Variants in MSRA observed in about 807,000 individuals in gnomAD.
MSRA encodes the protein mitochondrial peptide methionine sulfoxide reductase.
A neutral mutation model predicts 31.3 loss-of-function variants in MSRA; 54 were observed. The observed-to-expected ratio is 1.73, with a 90% CI of 1.39 to 2.17. MSRA has a LOEUF of 2.17. MSRA is among the 30% of genes most tolerant of loss of function. The pLI is 0.00. For synonymous variants in MSRA, 169 were observed against 116.5 expected (o/e 1.45, Z -2.90); for missense variants, 507 against 300.9 (o/e 1.69, Z -5.07).
At chr8:10,245,895 G>T (rs1052586129) in intron 3 of MSRA, among the ~76,000 whole-genome samples, 1 of 152,230 alleles carries the variant, frequency 6.6e-6, no homozygotes, top group African/African-American at 2.4e-5. Context: ...GAGGTATCAA[G>T]AATCGGGACC....
chr8:10,425,727 C>T (rs953825772), intron 5 of MSRA, among the ~76,000 whole-genome samples: 10 of 152,262 alleles, frequency 6.6e-5, no homozygotes, highest in Admixed American at 2.6e-4. Flanking sequence ...GTGGGTAGGT[C>T]CTCTGAGGAC....
intron 1 of MSRA, among the ~76,000 whole-genome samples, chr8:10,128,003 C>T (rs1284481223): frequency 1.3e-5 from 2 of 151,964 alleles, no homozygotes; most frequent in Admixed American, 6.6e-5. Context: ...CACCTGTGAC[C>T]GTGGTGCATT....
At chr8:10,083,676 CAA>C (rs577741173) in intron 1 of MSRA, among the ~76,000 whole-genome samples, 8 of 152,134 alleles carry the variant, frequency 5.3e-5, no homozygotes, top group Admixed American at 4.6e-4. Flanking sequence ...AAATTTTATT[CAA>C]AGAGGTTTTT....
intron 3 of MSRA, among the ~76,000 whole-genome samples, chr8:10,255,307 C>G (rs911208460): frequency 6.6e-6 from 1 of 152,194 alleles, no homozygotes; most frequent in Non-Finnish European, 1.5e-5. Flanking sequence ...GGGAAGGGGC[C>G]TTTTAATTCT....
At chr8:10,260,157 T>C (rs1466880505) in intron 3 of MSRA, among the ~76,000 whole-genome samples, 1 of 152,154 alleles carries the variant, frequency 6.6e-6, no homozygotes, top group Non-Finnish European at 1.5e-5. Flanking sequence ...AGGGAAGAAA[T>C]GAGCGGCTGT....
intron 1 of MSRA, among the ~76,000 whole-genome samples, chr8:10,204,725 A>G (rs1259276293): frequency 6.6e-6 from 1 of 152,218 alleles, no homozygotes; most frequent in Non-Finnish European, 1.5e-5. Context: ...GTATATATGT[A>G]TTTTTAATGG....
At chr8:10,221,441 TATAC>T (rs67197762) in intron 2 of MSRA, among the ~76,000 whole-genome samples, 30,542 of 149,880 alleles carry the variant, frequency 0.2, 3,649 homozygotes, top group Admixed American at 0.33. Flanking sequence ...TATGTGTATA[TATAC>T]ATATATATAT....
chr8:10,330,191 G>T (rs1802613001), intron 5 of MSRA, among the ~76,000 whole-genome samples: 1 of 117,554 alleles, frequency 8.5e-6, no homozygotes, highest in Non-Finnish European at 1.7e-5. Context: ...TTCATTATAA[G>T]AATTAAATGT....
chr8:10,103,438 C>G (rs1799664986), intron 1 of MSRA, among the ~76,000 whole-genome samples: 1 of 152,184 alleles, frequency 6.6e-6, no homozygotes, highest in African/African-American at 2.4e-5. Flanking sequence ...GCATCACTTA[C>G]TAACTGGATA....
intron 2 of MSRA, among the ~76,000 whole-genome samples, chr8:10,229,707 A>G (rs1033459050): frequency 6.6e-6 from 1 of 151,960 alleles, no homozygotes; most frequent in African/African-American, 2.4e-5. Context: ...TATAGATGAG[A>G]AAAAAAAGGG....
chr8:10,144,600 C>G (rs1057224826), intron 1 of MSRA, among the ~76,000 whole-genome samples: 2 of 151,996 alleles, frequency 1.3e-5, no homozygotes, highest in African/African-American at 2.4e-5. Flanking sequence ...GCTTCCCCCC[C>G]TCCTCCCCCT....
At chr8:10,422,477 A>G (rs999607985) in intron 5 of MSRA, among the ~76,000 whole-genome samples, 1 of 152,210 alleles carries the variant, frequency 6.6e-6, no homozygotes, top group Non-Finnish European at 1.5e-5. Context: ...AGAAAAACAC[A>G]AATGACCAAT....
chr8:10,340,619 T>C (rs1054963420), intron 5 of MSRA, among the ~76,000 whole-genome samples: 1 of 152,212 alleles, frequency 6.6e-6, no homozygotes, highest in Non-Finnish European at 1.5e-5. Flanking sequence ...GTGATCCGCC[T>C]GCCTCAGCCT....
chr8:10,082,916 C>G (rs970602969), intron 1 of MSRA, among the ~76,000 whole-genome samples: 2 of 152,206 alleles, frequency 1.3e-5, no homozygotes, highest in African/African-American at 4.8e-5. Flanking sequence ...CAGCACGGTG[C>G]TAATGGATGA....
At position 10,339,867 on chromosome 8, in the gene MSRA, T is replaced by A. The variant is rs547297493; in HGVS notation, c.543+19878T>A. 3.2e-4 allele frequency among the ~76,000 whole-genome samples: 49 copies of A among 152,212 alleles called. 1 individual carries two copies. In the South Asian group the frequency reaches 9.5e-3, roughly 30 times the overall value. On this transcript the variant is annotated intron_variant, in intron 5 of 5. Transcript: ENST00000317173. Reference sequence around the variant, plus strand: ...CAAGGGGTTTTCAATACAGGCTGTCTGATGACTAACGAGAGGGAACATAAG... The same window carrying A: ...CAAGGGGTTTTCAATACAGGCTGTCAGATGACTAACGAGAGGGAACATAAG...
chr8:10,278,830 G>T (rs13276526), intron 3 of MSRA, among the ~76,000 whole-genome samples: 1 of 151,954 alleles, frequency 6.6e-6, no homozygotes. Flanking sequence ...AAGGACCTGG[G>T]CATCTCTACA....
At chr8:10,425,887 C>G (rs1809127636) in intron 5 of MSRA, among the ~76,000 whole-genome samples, 1 of 152,208 alleles carries the variant, frequency 6.6e-6, no homozygotes, top group Non-Finnish European at 1.5e-5. Flanking sequence ...TTTTACATCC[C>G]TCAGTTCTCC....
chr8:10,277,846 G>C (rs201096855), intron 3 of MSRA, among the ~76,000 whole-genome samples: 1 of 151,938 alleles, frequency 6.6e-6, no homozygotes, highest in South Asian at 2.1e-4. Context: ...ATACATATTT[G>C]AAAGTTCATG....
intron 2 of MSRA, among the ~76,000 whole-genome samples, chr8:10,227,222 T>C (rs1275061764): frequency 6.6e-6 from 1 of 152,138 alleles, no homozygotes; most frequent in African/African-American, 2.4e-5. Context: ...ACCAGAGTTG[T>C]CTTCAAGAGG....
Sources: gnomAD v4.1 joint callset for allele counts (sites outside exome capture counted in the v4.1 genomes callset) on GRCh38, gnomAD v4.1.1 for gene constraint, MANE v1.5 for transcripts, NCBI Gene and HGNC (gene_info 2026-07-23, HGNC 2026-07-21) for gene names.